MRPL45: variants seen among roughly 807,000 people sequenced by gnomAD.
MRPL45 encodes large ribosomal subunit protein mL45.
A neutral mutation model predicts 38.1 loss-of-function variants in MRPL45; 20 were observed. The observed-to-expected ratio is 0.53, with a 90% CI of 0.37 to 0.76. The LOEUF (loss-of-function observed/expected upper bound fraction) is 0.76, where lower values mean the gene tolerates loss of function less well. MRPL45 is among the 30% of genes least tolerant of loss of function. The pLI, the probability that MRPL45 is intolerant of heterozygous loss-of-function variation, is 0.00. For missense variants in MRPL45, 337 were observed against 395.6 expected (o/e 0.85, Z 1.26); for synonymous variants, 105 against 128.8 (o/e 0.82, Z 1.25).
chr17:38,322,043 A>AG (rs1245525212), intron 6 of MRPL45, 83 bp from the exon 7 acceptor site: 1 of 1,427,716 alleles, frequency 7.0e-7, no homozygotes, highest in East Asian at 2.3e-5. Context: ...AAAAAAAAAA[A>AG]AAGGTTGTAT....
At chr17:38,312,049 CT>C (rs1392041180) in intron 4 of MRPL45, among the ~76,000 whole-genome samples, 275 of 142,258 alleles carry the variant, frequency 1.9e-3, no homozygotes, top group Non-Finnish European at 1.9e-3. Context: ...ATTTTTTTAT[CT>C]TTTTTTTTTT....
chr17:38,298,119 A>G (rs967179567), intron 1 of MRPL45, among the ~76,000 whole-genome samples: 2 of 152,142 alleles, frequency 1.3e-5, no homozygotes, highest in South Asian at 2.1e-4. Context: ...TGCCCATTTC[A>G]GTATTGAGTT....
In MRPL45 at chr17:38,301,979, C is replaced by T. The variant is rs540254644; in HGVS notation, c.362+2511C>T. ...AAAAATACAAAAAATTAGCCAGGTG[C>T]GGTGGTGGGCGCCTGTAGTCCCAGC... On this transcript the variant is annotated intron_variant, in intron 3 of 7. Coordinates refer to ENST00000613675, the MANE Select transcript of MRPL45 (RefSeq NM_032351.6). Among the ~76,000 whole-genome samples the T allele has an allele frequency of 2.3e-4, 35 of 151,698 alleles. No individual in the cohort carries two copies. In the South Asian group the frequency reaches 6.7e-3, roughly 29 times the overall value.
intron 3 of MRPL45, among the ~76,000 whole-genome samples, chr17:38,300,451 G>T (rs1269181460): frequency 2.0e-5 from 3 of 151,996 alleles, no homozygotes; most frequent in Non-Finnish European, 2.9e-5. Flanking sequence ...GGTGTGACCC[G>T]TCACACCCAG....
chr17:38,303,492 C>T (rs1226086600), intron 3 of MRPL45, among the ~76,000 whole-genome samples: 4 of 151,684 alleles, frequency 2.6e-5, no homozygotes, highest in Non-Finnish European at 5.9e-5. Context: ...GACGGGGTTT[C>T]ACCATATTGG....
intron 3 of MRPL45, among the ~76,000 whole-genome samples, chr17:38,306,064 G>C (rs1199803400): frequency 6.6e-6 from 1 of 152,044 alleles, no homozygotes; most frequent in Non-Finnish European, 1.5e-5. Context: ...TTTCTTTAGA[G>C]TGCTTAATTT....
rs2037244654 is a variant in MRPL45 at position 38,322,759 on chromosome 17, C to T, written c.*164C>T. 1.7e-6 allele frequency: 1 copy of T among 597,152 alleles called. No individual in the cohort carries two copies. Among genetic ancestry groups the T allele is most frequent in the Non-Finnish European group, 2.9e-6 (1 of 340,410 alleles). 37.0% of individuals were successfully genotyped at this position (597,152 alleles called of 1,614,324 possible). On this transcript the variant is annotated 3_prime_UTR_variant, in exon 8 of 8. Coordinates refer to ENST00000613675, the MANE Select transcript of MRPL45 (RefSeq NM_032351.6). ...TCAGCAACCATGACTGATGACTGGG[C>T]CCTAGCAGGTGGCAGGTATAACATG...
At chr17:38,304,555 T>TA (rs1019921855) in intron 3 of MRPL45, among the ~76,000 whole-genome samples, 2 of 152,300 alleles carry the variant, frequency 1.3e-5, no homozygotes, top group Non-Finnish European at 1.5e-5. Flanking sequence ...TATTTTATTT[T>TA]TTTTTTGAGA....
At chr17:38,317,730 C>A (rs8077729) in intron 4 of MRPL45, among the ~76,000 whole-genome samples, 2 of 151,730 alleles carry the variant, frequency 1.3e-5, no homozygotes, top group African/African-American at 4.8e-5. Flanking sequence ...TGCTACTACT[C>A]TCGGCTAATT....
chr17:38,309,536 A>AG (rs1283912679), intron 4 of MRPL45, among the ~76,000 whole-genome samples: 65 of 146,858 alleles, frequency 4.4e-4, no homozygotes, highest in South Asian at 6.4e-4. Flanking sequence ...AAAAAAAAAA[A>AG]AAAAAGATTT....
rs761623144 is a variant in MRPL45, at chr17:38,297,191, C to T, written c.8C>T (p.Ala3Val). The change falls in exon 1 of 8, where the codon GCC becomes GTC. Residue 3 changes from alanine to valine, a missense_variant. Transcript: ENST00000613675. MA[A>V]PIPQGFSCLS... ...GGCCTTTGCGGGAACAAGATGGCAG[C>T]CCCCATACCTCAAGGGTTCTCTTGT... 5 of 1,614,104 alleles carry T rather than the reference C, an allele frequency of 3.1e-6. No individual in the cohort carries two copies. The highest frequency in any genetic ancestry group is 2.2e-5 in the East Asian group (1 of 44,894).
chr17:38,315,144 C>T (rs1327851033), intron 4 of MRPL45, among the ~76,000 whole-genome samples: 1 of 152,186 alleles, frequency 6.6e-6, no homozygotes, highest in Non-Finnish European at 1.5e-5. Context: ...AGTTACTTTT[C>T]CTACATAGTA....
In MRPL45 at chr17:38,297,294, G is replaced by C. The variant is rs1461990842; in HGVS notation, c.66+45G>C. ...ATAGGACCCTAGGGGCTACAGGAGAGGACAGAGTCGAGGGAAATACTCTCT... is the reference window on the plus strand; with the variant it reads ...ATAGGACCCTAGGGGCTACAGGAGACGACAGAGTCGAGGGAAATACTCTCT... On this transcript the variant is annotated intron_variant, in intron 1 of 7. Transcript: ENST00000613675. The C allele has an allele frequency of 3.1e-5, 48 of 1,561,040 alleles. No homozygotes were observed. The East Asian group carries it at 1.0e-3, about 33-fold the overall frequency.
chr17:38,303,330 C>G lies in MRPL45; in HGVS notation c.363-3203C>G, dbSNP rs1395418258. Among the ~76,000 whole-genome samples the G allele has an allele frequency of 3.1e-5, 4 of 130,424 alleles. No individual in the cohort carries two copies. The South Asian group carries it at 1.0e-3, about 34-fold the overall frequency. The allele number at this position is 130,424 out of a possible 152,430, so 85.6% of individuals were successfully genotyped here. A position where few individuals can be genotyped will look rare whatever the true frequency, so the allele number is the denominator to read the frequency against. On this transcript the variant is annotated intron_variant, in intron 3 of 7. Transcript: ENST00000613675. The stretch of plus-strand genomic sequence containing the variant: ...TTTTTTTTTTTGAGAGGGAGTCTCA[C>G]TCTGTTGCCCAGGCTGGAGTGCAAT...
intron 3 of MRPL45, among the ~76,000 whole-genome samples, chr17:38,301,310 C>T (rs904865566): frequency 5.9e-5 from 9 of 152,114 alleles, no homozygotes; most frequent in African/African-American, 1.7e-4. Context: ...GGTGCAATCT[C>T]GGCTCACCAC....
chr17:38,317,022 T>C (rs1363292174), intron 4 of MRPL45, among the ~76,000 whole-genome samples: 1 of 152,112 alleles, frequency 6.6e-6, no homozygotes, highest in Non-Finnish European at 1.5e-5. Flanking sequence ...GGTCTTGATC[T>C]CCTGACCTCG....
At chr17:38,302,531 A>G (rs1423147198) in intron 3 of MRPL45, among the ~76,000 whole-genome samples, 9 of 112,268 alleles carry the variant, frequency 8.0e-5, no homozygotes, top group African/African-American at 2.0e-4. Flanking sequence ...TTTTTTTTAG[A>G]GTTAGCCAGG....
In MRPL45 at chr17:38,310,979, T is replaced by G. The variant is rs532815064; in HGVS notation, c.461+4348T>G. On this transcript the variant is annotated intron_variant, in intron 4 of 7. Coordinates refer to ENST00000613675, the MANE Select transcript of MRPL45 (RefSeq NM_032351.6). Reference sequence around the variant, plus strand: ...TAAGACAATCATTTATTTTAAAAATTATAAGATTAATAATAGCTTTTATAT... The same window carrying G: ...TAAGACAATCATTTATTTTAAAAATGATAAGATTAATAATAGCTTTTATAT... 8.5e-5 allele frequency among the ~76,000 whole-genome samples: 13 copies of G among 152,266 alleles called. No individual in the cohort carries two copies. In the East Asian group the frequency reaches 2.5e-3, roughly 29 times the overall value.
intron 4 of MRPL45, among the ~76,000 whole-genome samples, chr17:38,315,631 T>C (rs2037165955): frequency 6.6e-6 from 1 of 152,104 alleles, no homozygotes; most frequent in Non-Finnish European, 1.5e-5. Flanking sequence ...TTAATGTTTC[T>C]TGGTATGAAT....
Sources: gnomAD v4.1 joint callset for allele counts (sites outside exome capture counted in the v4.1 genomes callset) on GRCh38, gnomAD v4.1.1 for gene constraint, MANE v1.5 for transcripts, NCBI Gene and HGNC (gene_info 2026-07-23, HGNC 2026-07-21) for gene names.